EXOC3: variants seen among roughly 807,000 people sequenced by gnomAD.
The protein encoded by EXOC3 is exocyst complex component 3.
EXOC3 carries 21 observed loss-of-function variants against 73.7 expected under a neutral mutation model. The observed-to-expected ratio is 0.29, with a 90% confidence interval of 0.20 to 0.41. The LOEUF is 0.41. Among genes scored for constraint, EXOC3 ranks in the 10% least tolerant of loss-of-function variants. The pLI is 1.00. For synonymous variants in EXOC3, 410 were observed against 389.1 expected, an observed-to-expected ratio of 1.05 and a Z score of -0.63; for missense variants, 842 against 985.1, an observed-to-expected ratio of 0.85 and a Z score of 1.95.
intron 9 of EXOC3, among the ~76,000 whole-genome samples, chr5:464,047 G>A (rs1018874304): frequency 5.9e-5 from 9 of 152,262 alleles, no homozygotes; most frequent in Admixed American, 2.0e-4. Context: ...ACGTAGCAAA[G>A]ATGCACGGAA....
Position 464,932 on chromosome 5 carries a change from G to C in EXOC3, c.1777-179G>C, listed in dbSNP as rs1738095530. The stretch of plus-strand genomic sequence containing the variant: ...TGCGGGGGTCCAGGTCACCGTCACT[G>C]TTCCCCCACTGAGCCCCCGCTCCTC... On this transcript the variant is annotated intron_variant, in intron 10 of 12. Transcript: ENST00000512944. 4.5e-6 allele frequency: 3 copies of C among 667,502 alleles called. No homozygotes were observed. The South Asian group carries it at 5.9e-5, about 13-fold the overall frequency. 41.3% of individuals were successfully genotyped at this position (667,502 alleles called of 1,614,324 possible).
In EXOC3 at chr5:447,750, C is replaced by T; in HGVS notation, c.362C>T (p.Ser121Leu). Reference protein sequence around the residue: ...AAVENLKNIFSVPEIVRETQD... With the variant: ...AAVENLKNIFLVPEIVRETQD... The stretch of plus-strand genomic sequence containing the variant: ...GTGGAGAACCTCAAGAACATCTTCT[C>T]AGGTACCAGCCAGACGCCGAGGCAC... Residue 121 changes from serine (S) to leucine (L), a missense_variant and splice_region_variant, in exon 3 of 13, where the codon TCA becomes TTA. By Grantham distance (145) the Ser-to-Leu change is moderately radical. Transcript: ENST00000512944. 1 of 1,551,622 alleles carries T rather than the reference C, an allele frequency of 6.4e-7. No homozygotes were observed. Among genetic ancestry groups the T allele is most frequent in the Non-Finnish European group, 8.7e-7 (1 of 1,144,706 alleles).
Position 462,019 on chromosome 5 carries a change from A to G in EXOC3, c.1451A>G (p.His484Arg). Residue 484 changes from histidine (H) to arginine (R), a missense_variant, in exon 8 of 13, where the codon CAC becomes CGC. His to Arg is a conservative substitution (Grantham distance 29). Coordinates refer to ENST00000512944, the MANE Select transcript of EXOC3 (RefSeq NM_007277.5). ...EEHLRNRQHP[H>R]CYVQYMIAII... is the part of the protein sequence containing the mutation. ...CACCTGAGGAATCGGCAGCACCCTC[A>G]CTGCTACGTTCAGTACATGATCGCC... is the stretch of plus-strand genomic sequence containing the variant. 7 of 1,608,214 alleles carry G rather than the reference A, an allele frequency of 4.4e-6. No homozygotes were observed. Among genetic ancestry groups the G allele is most frequent in the Non-Finnish European group, 5.9e-6 (7 of 1,177,182 alleles).
At chr5:456,252 AC>A (rs1450519876) in intron 4 of EXOC3, among the ~76,000 whole-genome samples, 28 of 152,228 alleles carry the variant, frequency 1.8e-4, no homozygotes, top group African/African-American at 6.8e-4. Flanking sequence ...TTTCTAGATT[AC>A]TTATAAGACT....
At chr5:458,822 CTGAATGA>C (rs1737899242) in intron 6 of EXOC3, among the ~76,000 whole-genome samples, 2 of 152,362 alleles carry the variant, frequency 1.3e-5, no homozygotes, top group South Asian at 4.1e-4. Context: ...ACATTTCTCT[CTGAATGA>C]TACCGTTAGT....
At chr5:464,499 C>G in intron 10 of EXOC3, 87 bp downstream of exon 10, 1 of 1,431,320 alleles carries the variant, frequency 7.0e-7, no homozygotes, top group Non-Finnish European at 9.8e-7. Flanking sequence ...CAGCGAGTCC[C>G]TCCGTGAGTG....
chr5:454,103 G>A, intron 4 of EXOC3, 52 bp downstream of exon 4: 2 of 1,448,622 alleles, frequency 1.4e-6, no homozygotes, highest in East Asian at 2.5e-5. Context: ...CCGTGTGTGA[G>A]AGGGGCCTGC....
chr5:464,664 G>T lies in EXOC3; in HGVS notation c.1776+252G>T, dbSNP rs968840302. 8.8e-6 allele frequency: 4 copies of T among 454,392 alleles called. No individual in the cohort carries two copies. In the Admixed American group the frequency reaches 1.4e-4, roughly 16 times the overall value. The allele number at this position is 454,392 out of a possible 1,614,324, so 28.1% of individuals were successfully genotyped here. A position where few individuals can be genotyped will look rare whatever the true frequency, so the allele number is the denominator to read the frequency against. ...GTTCCCGGAGAGGCCCGCGTGCCCC[G>T]TCTTAGCTCCTTGCCTTCCACTCAC... is the stretch of plus-strand genomic sequence containing the variant. On this transcript the variant is annotated intron_variant, in intron 10 of 12. Coordinates refer to ENST00000512944, the MANE Select transcript of EXOC3 (RefSeq NM_007277.5).
intron 2 of EXOC3, chr5:447,158 C>T (rs1397203926): frequency 3.0e-5 from 5 of 169,474 alleles, no homozygotes; most frequent in African/African-American, 4.8e-5. Context: ...TAGACAAGAC[C>T]TTTTAGGAAC....
At position 453,812 on chromosome 5, in the gene EXOC3, G is replaced by A. The variant is rs776256685; in HGVS notation, c.807G>A (p.Glu269=). Reference sequence around the variant, plus strand: ...AGGGCACACAGGCAGATACCAGAGAGTCTGACAAGATGTGGCTTGTCCGCC... The same window carrying A: ...AGGGCACACAGGCAGATACCAGAGAATCTGACAAGATGTGGCTTGTCCGCC... ...RIEGTQADTR[E]SDKMWLVRHL... The change falls in exon 4 of 13, where the codon GAG becomes GAA. Residue 269 remains glutamate (E), a synonymous_variant. Transcript: ENST00000512944. 1 of 1,613,970 alleles carries A rather than the reference G, an allele frequency of 6.2e-7. No individual in the cohort carries two copies. The highest frequency in any genetic ancestry group is 2.2e-5 in the East Asian group (1 of 44,882).
intron 7 of EXOC3, among the ~76,000 whole-genome samples, chr5:460,020 A>G (rs2561665): frequency 0.56 from 85,659 of 151,912 alleles, 25,153 homozygotes; most frequent in African/African-American, 0.75. Context: ...TGCCCATTCC[A>G]CTCTCTCTGC....
At chr5:461,860 A>T in intron 7 of EXOC3, 100 bp from the exon 8 acceptor site, 2 of 734,114 alleles carry the variant, frequency 2.7e-6, no homozygotes, top group Non-Finnish European at 4.8e-6. Flanking sequence ...GTCAGATGTT[A>T]GTGATGTGAA....
chr5:454,889 A>G (rs1176410334), intron 4 of EXOC3, among the ~76,000 whole-genome samples: 1 of 31,256 alleles, frequency 3.2e-5, no homozygotes, highest in Non-Finnish European at 5.9e-5. Flanking sequence ...TTTTTTTTTT[A>G]GCAGTAAGGC....
intron 4 of EXOC3, among the ~76,000 whole-genome samples, chr5:455,764 C>T (rs1323052135): frequency 6.6e-6 from 1 of 152,184 alleles, no homozygotes; most frequent in African/African-American, 2.4e-5. Context: ...CCACCATGCC[C>T]CGCTAATTTT....
At chr5:451,482 A>C (rs564208968) in intron 3 of EXOC3, among the ~76,000 whole-genome samples, 2 of 152,366 alleles carry the variant, frequency 1.3e-5, no homozygotes, top group East Asian at 3.9e-4. Context: ...CAGTATTAGT[A>C]GCTTTTAGAC....
chr5:454,235 G>A (rs565389806), intron 4 of EXOC3, among the ~76,000 whole-genome samples, 184 bp downstream of exon 4: 31 of 152,368 alleles, frequency 2.0e-4, no homozygotes, highest in African/African-American at 7.2e-4. Context: ...CCAGCCTCTG[G>A]TGTTTGAACA....
chr5:454,705 T>G (rs1401276660), intron 4 of EXOC3, among the ~76,000 whole-genome samples: 5 of 152,194 alleles, frequency 3.3e-5, no homozygotes, highest in Non-Finnish European at 7.3e-5. Context: ...GGTGGGGGTA[T>G]TCTGAAATTC....
intron 1 of EXOC3, among the ~76,000 whole-genome samples, chr5:445,798 G>A (rs1289373559): frequency 6.6e-6 from 1 of 152,184 alleles, no homozygotes; most frequent in Non-Finnish European, 1.5e-5. Flanking sequence ...CCAAGGTGCT[G>A]GGGGAAAGCT....
chr5:451,553 C>T (rs1165561428), intron 3 of EXOC3, among the ~76,000 whole-genome samples: 2 of 152,106 alleles, frequency 1.3e-5, no homozygotes, highest in Admixed American at 6.5e-5. Context: ...AAATATTAGT[C>T]TCTTAAGTCA....
Sources: allele counts gnomAD v4.1 joint callset (sites outside exome capture counted in the v4.1 genomes callset), GRCh38; gene constraint gnomAD v4.1.1; transcripts MANE v1.5; gene names NCBI Gene and HGNC (gene_info 2026-07-23, HGNC 2026-07-21).